The following PPP2R2C variants were observed in gnomAD, a reference collection of about 807,000 sequenced individuals.
PPP2R2C encodes protein phosphatase 2 regulatory subunit Bgamma, also known as protein phosphatase 2, regulatory subunit B, gamma.
Under a neutral mutation model 45.3 loss-of-function variants are expected in PPP2R2C, and 10 were observed. The ratio of observed to expected loss-of-function variants is 0.22; its 90% confidence interval spans 0.14 to 0.37. The LOEUF (loss-of-function observed/expected upper bound fraction) is 0.37, where lower values mean the gene tolerates loss of function less well. Among genes scored for constraint, PPP2R2C ranks in the 10% least tolerant of loss-of-function variants. PPP2R2C has a pLI of 1.00. For synonymous variants in PPP2R2C, 257 were observed against 245.4 expected (o/e 1.05, Z -0.44); for missense variants, 308 against 619.7 (o/e 0.50, Z 5.34).
At chr4:6,398,884 T>C (rs1419508274) in intron 1 of PPP2R2C, among the ~76,000 whole-genome samples, 2 of 152,140 alleles carry the variant, frequency 1.3e-5, no homozygotes, top group African/African-American at 4.8e-5. Flanking sequence ...TCATGGCATA[T>C]TCACAGAACA....
At chr4:6,550,494 C>A (rs1311774399) in intron 1 of PPP2R2C, among the ~76,000 whole-genome samples, 1 of 152,234 alleles carries the variant, frequency 6.6e-6, no homozygotes, top group Non-Finnish European at 1.5e-5. Flanking sequence ...GCTGTTTCCT[C>A]TGCCGGGAAT....
intron 1 of PPP2R2C, chr4:6,381,772 C>T (rs776921480): frequency 6.2e-7 from 1 of 1,611,730 alleles, no homozygotes; most frequent in Non-Finnish European, 8.5e-7. Context: ...GAGTCACCCC[C>T]ATACCTGGAG....
chr4:6,445,543 G>A (rs902055345), intron 1 of PPP2R2C, among the ~76,000 whole-genome samples: 2 of 152,226 alleles, frequency 1.3e-5, no homozygotes, highest in Admixed American at 1.3e-4. Flanking sequence ...CAAAGTTGAA[G>A]CTGTTTCTTT....
chr4:6,558,400 C>T (rs1423503009), intron 1 of PPP2R2C, among the ~76,000 whole-genome samples: 2 of 152,140 alleles, frequency 1.3e-5, no homozygotes, highest in Non-Finnish European at 2.9e-5. Flanking sequence ...AAGGAGAAGC[C>T]TTTCTCAGGG....
chr4:6,411,340 G>A (rs1289750858), intron 1 of PPP2R2C, among the ~76,000 whole-genome samples: 1 of 152,084 alleles, frequency 6.6e-6, no homozygotes, highest in Non-Finnish European at 1.5e-5. Context: ...CAGCCTCACA[G>A]GGCTGGAATG....
intron 6 of PPP2R2C, among the ~76,000 whole-genome samples, chr4:6,336,430 G>A (rs1380061401): frequency 1.3e-5 from 2 of 152,042 alleles, no homozygotes; most frequent in African/African-American, 2.4e-5. Flanking sequence ...CCCCTCGTGT[G>A]GCCTTGAACG....
At chr4:6,443,138 G>C (rs1252693766) in intron 1 of PPP2R2C, among the ~76,000 whole-genome samples, 2 of 152,134 alleles carry the variant, frequency 1.3e-5, no homozygotes, top group Non-Finnish European at 2.9e-5. Flanking sequence ...ACCTCTGGGA[G>C]AGATGAGGCC....
intron 1 of PPP2R2C, among the ~76,000 whole-genome samples, chr4:6,547,946 G>A (rs181549239): frequency 3.3e-5 from 5 of 152,136 alleles, no homozygotes; most frequent in Non-Finnish European, 5.9e-5. Context: ...GGCCAGGCAC[G>A]GTAGCTCACA....
In PPP2R2C at chr4:6,382,483, C is replaced by G. The variant is rs781281764; in HGVS notation, c.71-1389G>C. 2.2e-6 allele frequency: 3 copies of G among 1,352,042 alleles called. No homozygotes were observed. In the South Asian group the frequency reaches 3.4e-5, roughly 15 times the overall value. 83.8% of individuals were successfully genotyped at this position (1,352,042 alleles called of 1,614,324 possible). On this transcript the variant is annotated intron_variant, in intron 1 of 8. Coordinates refer to ENST00000382599, the MANE Select transcript of PPP2R2C (RefSeq NM_020416.4). Reference sequence around the variant, plus strand: ...CTCCTGAGCCAGTGCATCCCTGTGTCCCTCTATTCAAAACCCTTCATTGGT... The same window carrying G: ...CTCCTGAGCCAGTGCATCCCTGTGTGCCTCTATTCAAAACCCTTCATTGGT...
intron 4 of PPP2R2C, among the ~76,000 whole-genome samples, chr4:6,373,213 C>T (rs1715002763): frequency 6.6e-6 from 1 of 152,210 alleles, no homozygotes; most frequent in Admixed American, 6.5e-5. Context: ...GGACCCAAGC[C>T]TTAGGGACTG....
At chr4:6,541,148 T>C (rs1188726606) in intron 1 of PPP2R2C, among the ~76,000 whole-genome samples, 1 of 152,220 alleles carries the variant, frequency 6.6e-6, no homozygotes, top group Non-Finnish European at 1.5e-5. Flanking sequence ...TCTCAGCTTA[T>C]GTCCCATTGG....
At chr4:6,498,091 T>C (rs1240814099) in intron 2 of PPP2R2C, among the ~76,000 whole-genome samples, 1 of 152,180 alleles carries the variant, frequency 6.6e-6, no homozygotes, top group Non-Finnish European at 1.5e-5. Flanking sequence ...AGTGAAACTC[T>C]TAGAGTCCAA....
chr4:6,541,971 G>C (rs1724815441), intron 1 of PPP2R2C, among the ~76,000 whole-genome samples: 1 of 152,254 alleles, frequency 6.6e-6, no homozygotes, highest in Admixed American at 6.5e-5. Context: ...CGAAGACCTA[G>C]CATGGGCTAA....
At position 6,413,981 on chromosome 4, in the gene PPP2R2C, T is replaced by C. The variant is rs1299796186; in HGVS notation, c.71-32887A>G. On this transcript the variant is annotated intron_variant, in intron 1 of 8. Coordinates refer to ENST00000382599, the MANE Select transcript of PPP2R2C (RefSeq NM_020416.4). ...GCTCCCTGGTGGCTCTGCAGTTGGC[T>C]ACTGCCATGTTGCCAGTCAATGGCC... 7.8e-6 allele frequency: 12 copies of C among 1,535,524 alleles called. No individual in the cohort carries two copies. In the Admixed American group the frequency reaches 7.9e-5, roughly 10 times the overall value.
At chr4:6,326,381 T>C (rs554567801) in intron 8 of PPP2R2C, among the ~76,000 whole-genome samples, 69 of 151,860 alleles carry the variant, frequency 4.5e-4, no homozygotes, top group Non-Finnish European at 1.5e-4. Flanking sequence ...TCAGAGCAAG[T>C]GTAGGTGTGT....
In PPP2R2C at chr4:6,337,110, GTGTATATATATATA is replaced by G. The variant is rs1297310581; in HGVS notation, c.791-3393_791-3380del. ...GGCATCTTTGTTTCTGTATGTGTGT[GTGTATATATATATA>G]TATATATATATATATATATATATAT... On this transcript the variant is annotated intron_variant, in intron 6 of 8. Transcript: ENST00000382599. 3.5e-3 allele frequency among the ~76,000 whole-genome samples: 144 copies of G among 41,500 alleles called. 8 individuals carry two copies. The highest frequency in any genetic ancestry group is 4.0e-3 in the Non-Finnish European group (89 of 22,438). The allele number at this position is 41,500 out of a possible 152,430, so 27.2% of individuals were successfully genotyped here.
At chr4:6,474,587 AC>A (rs761078361), upstream of PPP2R2C, among the ~76,000 whole-genome samples, 89 of 152,176 alleles carry the variant, frequency 5.8e-4, 1 homozygote, top group East Asian at 3.9e-3. Context: ...TACAATGAAA[AC>A]AGCCCCACTC....
chr4:6,359,690 CAG>C (rs1713555882), intron 5 of PPP2R2C, among the ~76,000 whole-genome samples: 1 of 152,042 alleles, frequency 6.6e-6, no homozygotes, highest in East Asian at 1.9e-4. Context: ...TCCTGGAGCC[CAG>C]CCACGCGAGC....
In PPP2R2C at chr4:6,347,415, C is replaced by T. The variant is rs114394680; in HGVS notation, c.790+431G>A. On this transcript the variant is annotated intron_variant, in intron 6 of 8. Coordinates refer to ENST00000382599, the MANE Select transcript of PPP2R2C (RefSeq NM_020416.4). ...TGTTACAGACCCTGCTCCAAGGAGC[C>T]GGAGAAGATGGGCAGCCCACAGCAA... Among the ~76,000 whole-genome samples the T allele has an allele frequency of 4.2e-3, 635 of 152,142 alleles. 7 individuals are homozygous for T. The highest frequency in any genetic ancestry group is 0.015 in the African/African-American group (606 of 41,486).
Sources: gnomAD v4.1 joint callset for allele counts (sites outside exome capture counted in the v4.1 genomes callset) on GRCh38, gnomAD v4.1.1 for gene constraint, MANE v1.5 for transcripts, NCBI Gene and HGNC (gene_info 2026-07-23, HGNC 2026-07-21) for gene names.